The following IFTAP variants were observed in gnomAD, a reference collection of about 807,000 sequenced individuals.
IFTAP encodes the protein intraflagellar transport associated protein.
A neutral mutation model predicts 19.4 loss-of-function variants in IFTAP; 19 were observed. That is an observed-to-expected ratio of 0.98 (90% CI 0.68 to 1.44). IFTAP has a LOEUF of 1.44. Among genes scored for constraint, IFTAP ranks in the 40% most tolerant of loss-of-function variants. The pLI, the probability that IFTAP is intolerant of heterozygous loss-of-function variation, is 0.00. For synonymous variants in IFTAP, 85 were observed against 83.5 expected (o/e 1.02, Z -0.10); for missense variants, 240 against 253.6 (o/e 0.95, Z 0.36).
intron 4 of IFTAP, among the ~76,000 whole-genome samples, chr11:36,639,836 CA>C (rs1308724450): frequency 3.3e-5 from 5 of 152,262 alleles, no homozygotes; most frequent in Middle Eastern, 3.4e-3. Context: ...TAGCAATGTC[CA>C]GTCATTTTTA....
intron 2 of IFTAP, among the ~76,000 whole-genome samples, chr11:36,618,060 A>G (rs192936376): frequency 6.6e-6 from 1 of 152,028 alleles, no homozygotes; most frequent in Admixed American, 6.6e-5. Context: ...AATTTTTATC[A>G]TTTTATTATT....
At chr11:36,595,659 GATA>G (rs573332136) in intron 1 of IFTAP, among the ~76,000 whole-genome samples, 67 of 152,328 alleles carry the variant, frequency 4.4e-4, no homozygotes, top group African/African-American at 1.5e-3. Flanking sequence ...TGAAAACTGA[GATA>G]ATAATTTTAC....
At chr11:36,604,550 C>T (rs953829155) in intron 1 of IFTAP, among the ~76,000 whole-genome samples, 3 of 151,962 alleles carry the variant, frequency 2.0e-5, no homozygotes, top group African/African-American at 4.8e-5. Context: ...ATTGGTAGGT[C>T]TCTAATATAT....
intron 2 of IFTAP, among the ~76,000 whole-genome samples, chr11:36,623,031 T>C (rs16929194): frequency 0.11 from 17,267 of 152,204 alleles, 1,156 homozygotes; most frequent in African/African-American, 0.17. Flanking sequence ...TGACCAAAGA[T>C]GAAGTATCAG....
chr11:36,597,557 G>T (rs1851321323), intron 1 of IFTAP: 1 of 152,110 alleles, frequency 6.6e-6, no homozygotes, highest in Non-Finnish European at 1.5e-5. Flanking sequence ...TGATGCTAGG[G>T]CATAGTTGAG....
At chr11:36,609,471 C>T (rs1160583246) in intron 1 of IFTAP, among the ~76,000 whole-genome samples, 1 of 152,082 alleles carries the variant, frequency 6.6e-6, no homozygotes, top group Non-Finnish European at 1.5e-5. Context: ...AGTTACCAGT[C>T]CCTGGATGTG....
Position 36,636,032 on chromosome 11 carries a change from T to C in IFTAP, c.292-19T>C. 1 of 1,550,376 alleles carries C rather than the reference T, an allele frequency of 6.5e-7. No individual in the cohort carries two copies. Among genetic ancestry groups the C allele is most frequent in the Non-Finnish European group, 8.9e-7 (1 of 1,123,164 alleles). ...TTAGGTCTATTCTGCTTAAAAATTA[T>C]GTTAATTCTTTTTTCTAGGTAGATA... On this transcript the variant is annotated intron_variant, in intron 3 of 5. Coordinates refer to ENST00000334307, the MANE Select transcript of IFTAP (RefSeq NM_138787.4).
rs565218719 is a variant in IFTAP, at chr11:36,638,731, G to A, written c.358+2614G>A. 5.3e-5 allele frequency among the ~76,000 whole-genome samples: 8 copies of A among 152,268 alleles called. No homozygotes were observed. In the South Asian group the frequency reaches 1.7e-3, roughly 32 times the overall value. On this transcript the variant is annotated intron_variant, in intron 4 of 5. Coordinates refer to ENST00000334307, the MANE Select transcript of IFTAP (RefSeq NM_138787.4). ...CTGGGAGGTTTACTGATTAGATTCC[G>A]TTGTTATTGTTTAAGCAACAGATTT...
At chr11:36,650,032 C>A (rs1853648836) in intron 5 of IFTAP, among the ~76,000 whole-genome samples, 1 of 152,044 alleles carries the variant, frequency 6.6e-6, no homozygotes, top group South Asian at 2.1e-4. Flanking sequence ...TATTCTGCAA[C>A]CCTTCCAAAA....
At position 36,643,719 on chromosome 11, in the gene IFTAP, A is replaced by G. The variant is rs552908816; in HGVS notation, c.359-4297A>G. Among the ~76,000 whole-genome samples the G allele has an allele frequency of 9.8e-5, 15 of 152,360 alleles. No individual in the cohort carries two copies. In the South Asian group the frequency reaches 2.9e-3, roughly 29 times the overall value. ...TGCATCTACAACCATCTGATCTTTG[A>G]CAAACTTAACTAAAACAAGAGATGG... On this transcript the variant is annotated intron_variant, in intron 4 of 5. Transcript: ENST00000334307.
chr11:36,636,122 G>C lies in IFTAP; in HGVS notation c.358+5G>C, dbSNP rs1169011604. 1.9e-6 allele frequency: 3 copies of C among 1,601,566 alleles called. No individual in the cohort carries two copies. Among genetic ancestry groups the C allele is most frequent in the African/African-American group, 2.7e-5 (2 of 74,668 alleles). On this transcript the variant is annotated splice_donor_5th_base_variant and intron_variant, in intron 4 of 5. Coordinates refer to ENST00000334307, the MANE Select transcript of IFTAP (RefSeq NM_138787.4). ...TTAAACCCCAAATGAGTGAGGGTAT[G>C]CTTTCTATTTCCTTTCTATACTACC... is the stretch of plus-strand genomic sequence containing the variant.
At chr11:36,639,230 T>TCAAGTG (rs2133476410) in intron 4 of IFTAP, among the ~76,000 whole-genome samples, 1 of 151,930 alleles carries the variant, frequency 6.6e-6, no homozygotes, top group East Asian at 1.9e-4. Context: ...TCTTTTCTGG[T>TCAAGTG]CAAGTGCAAG....
At chr11:36,658,894 A>G (rs962111355) in intron 5 of IFTAP, 125 bp from the exon 6 acceptor site, 2 of 637,372 alleles carry the variant, frequency 3.1e-6, no homozygotes, top group African/African-American at 3.8e-5. Flanking sequence ...AAACAGCTTA[A>G]TCAGCTGAGA....
At chr11:36,612,069 GGACTTT>G (rs1369812566) in intron 2 of IFTAP, among the ~76,000 whole-genome samples, 1 of 151,956 alleles carries the variant, frequency 6.6e-6, no homozygotes, top group Non-Finnish European at 1.5e-5. Flanking sequence ...CTTTTTGCAA[GGACTTT>G]GATATATTTA....
At chr11:36,656,403 C>T (rs557781681) in intron 5 of IFTAP, among the ~76,000 whole-genome samples, 7 of 152,206 alleles carry the variant, frequency 4.6e-5, no homozygotes, top group Admixed American at 6.5e-5. Flanking sequence ...AACCCTATCT[C>T]TACTAAAAAT....
intron 2 of IFTAP, among the ~76,000 whole-genome samples, chr11:36,626,996 C>T (rs939706653): frequency 2.0e-5 from 3 of 151,074 alleles, no homozygotes; most frequent in South Asian, 2.1e-4. Flanking sequence ...ATTCATACAA[C>T]GGACTATTAT....
At chr11:36,625,034 A>G (rs1190128632) in intron 2 of IFTAP, among the ~76,000 whole-genome samples, 2 of 152,110 alleles carry the variant, frequency 1.3e-5, no homozygotes, top group Non-Finnish European at 2.9e-5. Context: ...GAAATTTTTT[A>G]TGTTTATTAA....
intron 5 of IFTAP, among the ~76,000 whole-genome samples, chr11:36,658,816 AC>A (rs1250557150): frequency 6.6e-6 from 1 of 152,194 alleles, no homozygotes; most frequent in Non-Finnish European, 1.5e-5. Context: ...AGAGCATGGT[AC>A]AAATGGAGCA....
chr11:36,633,338 T>C lies in IFTAP; in HGVS notation c.191T>C (p.Phe64Ser), dbSNP rs529982458. ...GGAACTGATTCTTCAGAAAACATTT[T>C]TACCTCAGCAAAAGTTACTCATAAA... ...VFGTDSSENIFTSAKVTHKNE... is the reference protein window; with the variant it reads ...VFGTDSSENISTSAKVTHKNE... Residue 64 changes from phenylalanine to serine, a missense_variant, in exon 3 of 6, where the codon TTT becomes TCT. Transcript: ENST00000334307. The C allele has an allele frequency of 3.7e-4, 586 of 1,603,500 alleles. 4 individuals carry two copies. The South Asian group carries it at 6.2e-3, about 17-fold the overall frequency.
Sources: allele counts gnomAD v4.1 joint callset (sites outside exome capture counted in the v4.1 genomes callset), GRCh38; gene constraint gnomAD v4.1.1; transcripts MANE v1.5; gene names NCBI Gene and HGNC (gene_info 2026-07-23, HGNC 2026-07-21).